Variants in PARD3B observed in about 807,000 individuals in gnomAD.
PARD3B encodes the protein partitioning defective 3 homolog B.
Under a neutral mutation model 130.2 loss-of-function variants are expected in PARD3B, and 103 were observed. The ratio of observed to expected loss-of-function variants is 0.79; its 90% CI spans 0.67 to 0.93. PARD3B has a LOEUF of 0.93. PARD3B is among the 40% of genes least tolerant of loss of function. The pLI is 0.00. For missense variants in PARD3B, 1,609 were observed against 1,499.2 expected (o/e 1.07, Z -1.21); for synonymous variants, 583 against 553.2 (o/e 1.05, Z -0.76).
intron 1 of PARD3B, among the ~76,000 whole-genome samples, chr2:204,569,122 C>T (rs966136283): frequency 5.3e-5 from 8 of 152,216 alleles, no homozygotes; most frequent in Admixed American, 4.6e-4. Context: ...GGTGCTGAAC[C>T]GCAGCCTCAC....
At chr2:204,771,002 A>C (rs992530076) in intron 2 of PARD3B, among the ~76,000 whole-genome samples, 2 of 152,074 alleles carry the variant, frequency 1.3e-5, no homozygotes, top group African/African-American at 2.4e-5. Flanking sequence ...GCAGAATTGA[A>C]ATGATATAAA....
chr2:204,551,422 T>A (rs540278958), intron 1 of PARD3B, among the ~76,000 whole-genome samples: 8 of 152,194 alleles, frequency 5.3e-5, no homozygotes, highest in Non-Finnish European at 1.0e-4. Flanking sequence ...GGATAAGTTA[T>A]TGTCATCATG....
At chr2:205,586,820 G>T (rs1410000919) in intron 22 of PARD3B, among the ~76,000 whole-genome samples, 1 of 152,028 alleles carries the variant, frequency 6.6e-6, no homozygotes, top group Non-Finnish European at 1.5e-5. Flanking sequence ...TTGTACAAAG[G>T]CCATTGCAAA....
At chr2:204,811,768 G>A (rs1196465938) in intron 2 of PARD3B, among the ~76,000 whole-genome samples, 2 of 151,948 alleles carry the variant, frequency 1.3e-5, no homozygotes, top group African/African-American at 2.4e-5. Flanking sequence ...GCTTTAGCAG[G>A]TTGGGGAAAT....
intron 4 of PARD3B, among the ~76,000 whole-genome samples, chr2:205,097,021 C>T (rs760143455): frequency 1.3e-5 from 2 of 152,034 alleles, no homozygotes; most frequent in African/African-American, 2.4e-5. Flanking sequence ...TCTTAGGAAA[C>T]GGGGGTCCCA....
intron 20 of PARD3B, among the ~76,000 whole-genome samples, chr2:205,467,213 T>G (rs1294479643): frequency 6.6e-6 from 1 of 152,210 alleles, no homozygotes; most frequent in Non-Finnish European, 1.5e-5. Flanking sequence ...ACAAGAGCCA[T>G]TTGTAATGGT....
At position 205,380,937 on chromosome 2, in the gene PARD3B, T is replaced by TATATATAATATATAAATA. The variant is rs2045383087; in HGVS notation, c.2631-20061_2631-20060insATAATATATAATATATAA. 2.3e-5 allele frequency among the ~76,000 whole-genome samples: 2 copies of TATATATAATATATAAATA among 88,162 alleles called. 1 individual carries two copies. Among genetic ancestry groups the TATATATAATATATAAATA allele is most frequent in the Non-Finnish European group, 3.7e-5 (2 of 53,762 alleles). 57.8% of individuals were successfully genotyped at this position (88,162 alleles called of 152,430 possible). ...AAGAATATATATAATATATAAAGAATATATATAATATATAATGTATATAAT... is the reference window on the plus strand; with the variant it reads ...AAGAATATATATAATATATAAAGAATATATATAATATATAAATAATATATAATATATAATGTATATAAT... On this transcript the variant is annotated intron_variant, in intron 18 of 22. Transcript: ENST00000406610.
chr2:205,233,945 G>C (rs1165880186), intron 15 of PARD3B, among the ~76,000 whole-genome samples: 4 of 152,124 alleles, frequency 2.6e-5, no homozygotes, highest in African/African-American at 9.7e-5. Flanking sequence ...TTGATGAACT[G>C]TCTGTAAGTC....
At chr2:204,608,602 CAGTT>C (rs2033815607) in intron 1 of PARD3B, among the ~76,000 whole-genome samples, 2 of 152,272 alleles carry the variant, frequency 1.3e-5, no homozygotes, top group East Asian at 3.9e-4. Flanking sequence ...ACAGATAAAT[CAGTT>C]GGTTGGCTCA....
intron 22 of PARD3B, among the ~76,000 whole-genome samples, chr2:205,578,397 C>T (rs1175615225): frequency 6.6e-6 from 1 of 152,194 alleles, no homozygotes; most frequent in African/African-American, 2.4e-5. Context: ...AAAGACCGTT[C>T]TCTTGCACAT....
At chr2:205,399,308 G>C (rs1365017072) in intron 18 of PARD3B, among the ~76,000 whole-genome samples, 1 of 150,594 alleles carries the variant, frequency 6.6e-6, no homozygotes, top group Admixed American at 6.6e-5. Context: ...ATCTCCCCAA[G>C]TTTTTTTTGT....
At chr2:204,553,641 T>G (rs1553540347) in intron 1 of PARD3B, among the ~76,000 whole-genome samples, 1 of 106,728 alleles carries the variant, frequency 9.4e-6, no homozygotes, top group Non-Finnish European at 1.9e-5. Flanking sequence ...GATATATATT[T>G]ATATATATCC....
At chr2:204,703,902 A>G (rs545607137) in intron 2 of PARD3B, among the ~76,000 whole-genome samples, 5 of 152,252 alleles carry the variant, frequency 3.3e-5, no homozygotes, top group Non-Finnish European at 7.4e-5. Flanking sequence ...TTTTCTTGGC[A>G]CCTTAAAAAT....
intron 3 of PARD3B, among the ~76,000 whole-genome samples, chr2:204,968,227 G>A (rs1012995090): frequency 3.9e-5 from 6 of 152,114 alleles, no homozygotes; most frequent in African/African-American, 1.4e-4. Flanking sequence ...GGAATCAAGA[G>A]ATTTTTGTGA....
chr2:205,540,197 C>T (rs910239230), intron 21 of PARD3B, among the ~76,000 whole-genome samples: 4 of 151,480 alleles, frequency 2.6e-5, no homozygotes, highest in African/African-American at 7.3e-5. Flanking sequence ...TTTTATATCC[C>T]GAGCAGAGTT....
At chr2:204,805,628 A>G (rs2335639) in intron 2 of PARD3B, among the ~76,000 whole-genome samples, 8,234 of 152,230 alleles carry the variant, frequency 0.054, 299 homozygotes, top group East Asian at 0.16. Flanking sequence ...CTACAGGCCA[A>G]TATCCCTGAT....
intron 21 of PARD3B, among the ~76,000 whole-genome samples, chr2:205,535,208 C>T (rs1190880609): frequency 6.6e-6 from 1 of 152,190 alleles, no homozygotes; most frequent in Non-Finnish European, 1.5e-5. Flanking sequence ...ACAACAGCCA[C>T]TAATCATGTA....
At chr2:204,928,110 T>A (rs1687768325) in intron 2 of PARD3B, among the ~76,000 whole-genome samples, 1 of 152,140 alleles carries the variant, frequency 6.6e-6, no homozygotes, top group Non-Finnish European at 1.5e-5. Context: ...TAGGCAGCTC[T>A]GCTGATCTAG....
chr2:205,130,734 G>A (rs1029210418), intron 10 of PARD3B, among the ~76,000 whole-genome samples: 4 of 152,178 alleles, frequency 2.6e-5, no homozygotes, highest in Admixed American at 2.6e-4. Context: ...ACGTTTGCCT[G>A]CTATTTGATG....
Sources: gnomAD v4.1 joint callset for allele counts (sites outside exome capture counted in the v4.1 genomes callset) on GRCh38, gnomAD v4.1.1 for gene constraint, MANE v1.5 for transcripts, NCBI Gene and HGNC (gene_info 2026-07-23, HGNC 2026-07-21) for gene names.